Variants in BFSP1 observed in about 807,000 individuals in gnomAD.
BFSP1 encodes beaded filament structural protein 1, also known as filensin.
Under a neutral mutation model 43.9 loss-of-function variants are expected in BFSP1, and 38 were observed. That is an observed-to-expected ratio of 0.87 (90% confidence interval 0.67 to 1.14). The LOEUF is 1.14. Among genes scored for constraint, BFSP1 ranks in the 50% most tolerant of loss-of-function variants. The pLI is 0.00. For missense variants in BFSP1, 850 were observed against 875.1 expected (o/e 0.97, Z 0.36); for synonymous variants, 352 against 354.8 (o/e 0.99, Z 0.09).
chr20:17,563,942 A>C (rs1266775185), upstream of BFSP1, among the ~76,000 whole-genome samples: 1 of 150,310 alleles, frequency 6.7e-6, no homozygotes, highest in East Asian at 2.0e-4. Context: ...CCTCCTTCTT[A>C]CTGCCTAAAA....
intron 1 of BFSP1, among the ~76,000 whole-genome samples, chr20:17,529,657 G>A (rs1414384124): frequency 2.0e-5 from 3 of 152,232 alleles, no homozygotes; most frequent in Admixed American, 1.3e-4. Context: ...ATTACATGGA[G>A]GAAGCACCTG....
intron 6 of BFSP1, among the ~76,000 whole-genome samples, chr20:17,497,434 A>G (rs1017194112): frequency 9.0e-6 from 1 of 111,246 alleles, no homozygotes; most frequent in Admixed American, 1.0e-4. Context: ...AGATATATGT[A>G]TATATACGTG....
At chr20:17,560,260 C>T (rs748868929), upstream of BFSP1, 1 of 152,224 alleles carries the variant, frequency 6.6e-6, no homozygotes, top group Non-Finnish European at 1.5e-5. Context: ...CATTCTCTTC[C>T]TCCAAATATC....
At chr20:17,506,329 C>A (rs754941112) in intron 5 of BFSP1, among the ~76,000 whole-genome samples, 1 of 152,034 alleles carries the variant, frequency 6.6e-6, no homozygotes, top group South Asian at 2.1e-4. Context: ...ATAGGACCCA[C>A]CCAGACTTCC....
chr20:17,511,702 A>C (rs998117116), intron 4 of BFSP1, among the ~76,000 whole-genome samples: 1 of 152,084 alleles, frequency 6.6e-6, no homozygotes, highest in African/African-American at 2.4e-5. Context: ...CATTTCTTAT[A>C]AAGTATGCAA....
At chr20:17,539,209 C>T (rs1254983791) in intron 1 of BFSP1, among the ~76,000 whole-genome samples, 2 of 143,246 alleles carry the variant, frequency 1.4e-5, no homozygotes, top group Non-Finnish European at 3.0e-5. Flanking sequence ...CTCCTGGGCT[C>T]AAGCGACTCA....
intron 1 of BFSP1, among the ~76,000 whole-genome samples, chr20:17,528,906 C>A (rs550212546): frequency 6.6e-6 from 1 of 152,318 alleles, no homozygotes; most frequent in East Asian, 1.9e-4. Flanking sequence ...CTACCCTATG[C>A]CAAGGGTTCC....
At chr20:17,527,860 T>C (rs772595686) in intron 1 of BFSP1, among the ~76,000 whole-genome samples, 1 of 152,224 alleles carries the variant, frequency 6.6e-6, no homozygotes, top group Non-Finnish European at 1.5e-5. Context: ...TTACATAAAT[T>C]ATTTTTAGTT....
upstream of BFSP1, among the ~76,000 whole-genome samples, chr20:17,559,703 T>C (rs146884688): frequency 3.3e-3 from 497 of 152,224 alleles, 3 homozygotes; most frequent in Non-Finnish European, 6.1e-3. Flanking sequence ...GGGAACCCTA[T>C]TGTGGACTGT....
In BFSP1 at chr20:17,525,314, C is replaced by A. The variant is rs1019983444; in HGVS notation, c.378-406G>T. On this transcript the variant is annotated intron_variant, in intron 1 of 7. Coordinates refer to ENST00000377873, the MANE Select transcript of BFSP1 (RefSeq NM_001195.5). The surrounding 1 kb of genome is among the most constrained non-coding windows in gnomAD (Gnocchi z 4.2). ...CATTAACCTGACCGTACTTGGATTTCCTATAGTATTTTATTTGCTGACACA... is the reference window on the plus strand; with the variant it reads ...CATTAACCTGACCGTACTTGGATTTACTATAGTATTTTATTTGCTGACACA... 1.3e-5 allele frequency among the ~76,000 whole-genome samples: 2 copies of A among 152,156 alleles called. No individual in the cohort carries two copies. The highest frequency in any genetic ancestry group is 2.9e-5 in the Non-Finnish European group (2 of 68,042).
intron 2 of BFSP1, 60 bp from the exon 3 acceptor site, chr20:17,514,876 G>A: frequency 1.3e-6 from 2 of 1,508,170 alleles, no homozygotes; most frequent in Non-Finnish European, 1.8e-6. Flanking sequence ...GGTAAAGCTG[G>A]CCGGGTATAT....
intron 1 of BFSP1, among the ~76,000 whole-genome samples, chr20:17,544,639 A>G (rs1023923791): frequency 6.6e-6 from 1 of 152,238 alleles, no homozygotes; most frequent in Non-Finnish European, 1.5e-5. Context: ...TTCCCATTAA[A>G]TCAACACAGA....
intron 1 of BFSP1, among the ~76,000 whole-genome samples, chr20:17,550,753 G>A (rs925061753): frequency 1.3e-5 from 2 of 152,186 alleles, no homozygotes; most frequent in African/African-American, 4.8e-5. Flanking sequence ...GATTACAGGC[G>A]TGAGCCACCG....
chr20:17,509,884 G>C (rs1399352724), intron 4 of BFSP1, among the ~76,000 whole-genome samples: 2 of 152,132 alleles, frequency 1.3e-5, no homozygotes, highest in Non-Finnish European at 2.9e-5. Context: ...TTTCACAAAG[G>C]CCTGACTGCT....
At chr20:17,565,883 C>T (rs1230180771) in intron 1 of BFSP1, 3 of 152,038 alleles carry the variant, frequency 2.0e-5, no homozygotes, top group African/African-American at 4.8e-5. Flanking sequence ...TATGGGAGGC[C>T]GAGGCGGGCG....
intron 1 of BFSP1, among the ~76,000 whole-genome samples, chr20:17,550,061 G>T (rs766450654): frequency 2.0e-4 from 30 of 152,214 alleles, no homozygotes; most frequent in Non-Finnish European, 3.4e-4. Flanking sequence ...CCATGAGGTA[G>T]TACCACTCGG....
intron 1 of BFSP1, among the ~76,000 whole-genome samples, chr20:17,542,895 C>G (rs16999369): frequency 0.067 from 10,142 of 152,218 alleles, 619 homozygotes; most frequent in East Asian, 0.33. Context: ...AGTTAAAATG[C>G]CTTCCAAAAT....
At chr20:17,530,612 T>G (rs895588840) in intron 1 of BFSP1, among the ~76,000 whole-genome samples, 1 of 152,204 alleles carries the variant, frequency 6.6e-6, no homozygotes, top group African/African-American at 2.4e-5. Flanking sequence ...GTAGTGGAAA[T>G]ATCTCACTTG....
chr20:17,531,715 T>C (rs77881374), upstream of BFSP1, among the ~76,000 whole-genome samples: 3,344 of 152,252 alleles, frequency 0.022, 50 homozygotes, highest in Non-Finnish European at 0.03. Flanking sequence ...AAACTTGGAC[T>C]AGCTCAAGAG....
Sources: gnomAD v4.1 joint callset for allele counts (sites outside exome capture counted in the v4.1 genomes callset) on GRCh38, gnomAD v4.1.1 for gene constraint, Gnocchi (gnomAD v3.1) non-coding constraint, MANE v1.5 for transcripts, NCBI Gene and HGNC (gene_info 2026-07-23, HGNC 2026-07-21) for gene names.